The following EBF2 variants were observed in gnomAD, a reference collection of about 807,000 sequenced individuals.
EBF2 encodes the protein transcription factor COE2.
In EBF2, 21 loss-of-function variants were observed where a neutral mutation model predicts 72.8. The ratio of observed to expected loss-of-function variants is 0.29; its 90% CI spans 0.20 to 0.42. The LOEUF is 0.42. EBF2 is among the 10% of genes least tolerant of loss of function. EBF2 has a pLI of 1.00. For missense variants in EBF2, 637 were observed against 731.2 expected, an observed-to-expected ratio of 0.87 and a Z score of 1.49; for synonymous variants, 299 against 274.2, an observed-to-expected ratio of 1.09 and a Z score of -0.89.
intron 6 of EBF2, among the ~76,000 whole-genome samples, chr8:25,953,097 A>T (rs767789005): frequency 8.5e-5 from 13 of 152,228 alleles, no homozygotes; most frequent in African/African-American, 1.2e-4. Context: ...GCTCTAACAC[A>T]GCCTGGAGTA....
At chr8:25,872,729 A>G (rs1376483893) in intron 10 of EBF2, among the ~76,000 whole-genome samples, 2 of 152,234 alleles carry the variant, frequency 1.3e-5, no homozygotes, top group East Asian at 3.8e-4. Flanking sequence ...TTAAATCTAT[A>G]TAATGTGACT....
At chr8:25,997,244 A>G (rs1804648400) in intron 6 of EBF2, among the ~76,000 whole-genome samples, 1 of 152,090 alleles carries the variant, frequency 6.6e-6, no homozygotes, top group South Asian at 2.1e-4. Context: ...ATTCTCTCAG[A>G]TTATCACCAT....
chr8:25,940,250 A>G (rs1164238259), intron 6 of EBF2, among the ~76,000 whole-genome samples: 1 of 152,198 alleles, frequency 6.6e-6, no homozygotes, highest in Non-Finnish European at 1.5e-5. Context: ...TATTTTACAC[A>G]ACAGTTTTTC....
intron 6 of EBF2, among the ~76,000 whole-genome samples, chr8:25,933,761 A>G (rs2117148575): frequency 6.6e-6 from 1 of 152,318 alleles, no homozygotes; most frequent in East Asian, 1.9e-4. Context: ...ATAACATCTA[A>G]TAATACCAAG....
chr8:25,874,422 T>A (rs992673610), intron 10 of EBF2, among the ~76,000 whole-genome samples: 1 of 138,736 alleles, frequency 7.2e-6, no homozygotes, highest in Admixed American at 7.4e-5. Flanking sequence ...AAAAAAAAAT[T>A]GTTTTTTTGC....
intron 6 of EBF2, among the ~76,000 whole-genome samples, chr8:25,970,667 A>G (rs1804176853): frequency 6.6e-6 from 1 of 152,170 alleles, no homozygotes; most frequent in Non-Finnish European, 1.5e-5. Flanking sequence ...GCCTGCAGAA[A>G]TGAGGCCTGC....
At chr8:25,994,368 G>A (rs989223388) in intron 6 of EBF2, among the ~76,000 whole-genome samples, 2 of 152,038 alleles carry the variant, frequency 1.3e-5, no homozygotes, top group Admixed American at 6.6e-5. Context: ...ACAGAAATAG[G>A]ACTTCCACTT....
intron 6 of EBF2, among the ~76,000 whole-genome samples, chr8:25,985,698 C>T (rs1804438574): frequency 6.6e-6 from 1 of 152,102 alleles, no homozygotes. Context: ...GGGAATCTTG[C>T]TATTTAAGCA....
intron 10 of EBF2, among the ~76,000 whole-genome samples, chr8:25,878,101 G>T (rs1422582641): frequency 6.6e-6 from 1 of 152,142 alleles, no homozygotes; most frequent in Non-Finnish European, 1.5e-5. Flanking sequence ...TGGACCACAC[G>T]GCCAGCCCCC....
intron 7 of EBF2, among the ~76,000 whole-genome samples, chr8:25,899,839 C>T (rs1410260451): frequency 7.0e-6 from 1 of 143,226 alleles, no homozygotes; most frequent in Non-Finnish European, 1.6e-5. Flanking sequence ...AGGCACGAGG[C>T]CTCTCACATG....
intron 15 of EBF2, among the ~76,000 whole-genome samples, chr8:25,846,174 C>A (rs1801828935): frequency 6.6e-6 from 1 of 152,204 alleles, no homozygotes; most frequent in Non-Finnish European, 1.5e-5. Flanking sequence ...TGGACACTCC[C>A]TGATGACTTA....
At chr8:26,036,554 T>C (rs1229266855) in intron 5 of EBF2, among the ~76,000 whole-genome samples, 1 of 152,188 alleles carries the variant, frequency 6.6e-6, no homozygotes, top group African/African-American at 2.4e-5. Flanking sequence ...TATTATTTTT[T>C]TTTTTAGAAA....
chr8:25,923,835 G>T (rs1361604170), intron 6 of EBF2, among the ~76,000 whole-genome samples: 2 of 152,168 alleles, frequency 1.3e-5, no homozygotes, highest in East Asian at 3.8e-4. Context: ...AGTAGGCAAA[G>T]CTAGGCCAAT....
chr8:25,964,066 T>C (rs530069033), intron 6 of EBF2, among the ~76,000 whole-genome samples: 1 of 152,210 alleles, frequency 6.6e-6, no homozygotes, highest in South Asian at 2.1e-4. Flanking sequence ...TAGCAAATGA[T>C]CCTAGCAATT....
At chr8:25,881,782 C>T (rs1711520198) in intron 10 of EBF2, among the ~76,000 whole-genome samples, 1 of 152,196 alleles carries the variant, frequency 6.6e-6, no homozygotes, top group Non-Finnish European at 1.5e-5. Flanking sequence ...AAGGCAGACA[C>T]ACATCAGCGG....
At chr8:25,925,349 C>A (rs767707328) in intron 6 of EBF2, among the ~76,000 whole-genome samples, 4 of 151,934 alleles carry the variant, frequency 2.6e-5, no homozygotes, top group Non-Finnish European at 5.9e-5. Flanking sequence ...CTTGTGAGGA[C>A]AAAAACAGGG....
At chr8:26,011,515 A>T (rs981317181) in intron 6 of EBF2, among the ~76,000 whole-genome samples, 4 of 151,816 alleles carry the variant, frequency 2.6e-5, no homozygotes, top group Admixed American at 2.0e-4. Context: ...AATAAATACT[A>T]ATGACCAGGT....
At chr8:26,041,721 A>C (rs1385524173) in intron 2 of EBF2, among the ~76,000 whole-genome samples, 4 of 152,200 alleles carry the variant, frequency 2.6e-5, no homozygotes, top group Non-Finnish European at 5.9e-5. Flanking sequence ...TTAGTGCCGC[A>C]ACTCAGGCCA....
intron 13 of EBF2, among the ~76,000 whole-genome samples, chr8:25,860,208 G>A (rs976865325): frequency 6.6e-6 from 1 of 152,002 alleles, no homozygotes; most frequent in African/African-American, 2.4e-5. Context: ...GTCTTTACAC[G>A]GTCTGCTTCA....
Sources: allele counts gnomAD v4.1 joint callset (sites outside exome capture counted in the v4.1 genomes callset), GRCh38; gene constraint gnomAD v4.1.1; transcripts MANE v1.5; gene names NCBI Gene and HGNC (gene_info 2026-07-23, HGNC 2026-07-21).